BCAR3: variants seen among roughly 807,000 people sequenced by gnomAD.
BCAR3 encodes the protein breast cancer anti-estrogen resistance protein 3.
Under a neutral mutation model 80.1 loss-of-function variants are expected in BCAR3, and 37 were observed. The observed-to-expected ratio is 0.46, with a 90% confidence interval of 0.36 to 0.61. The LOEUF is 0.61. Ranked by LOEUF, BCAR3 falls within the 20% of genes least tolerant of loss-of-function variation. The probability of loss-of-function intolerance (pLI) is 0.00; values close to 1 mark genes in which losing one functional copy is unlikely to be tolerated. For synonymous variants in BCAR3, 389 were observed against 418.9 expected, an observed-to-expected ratio of 0.93 and a Z score of 0.87; for missense variants, 978 against 1,068.2, an observed-to-expected ratio of 0.92 and a Z score of 1.18.
chr1:93,768,907 C>G (rs903000957), intron 2 of BCAR3, among the ~76,000 whole-genome samples: 3 of 152,224 alleles, frequency 2.0e-5, no homozygotes, highest in African/African-American at 7.2e-5. Context: ...GGGGACTGAA[C>G]AGTCACAGAT....
chr1:93,847,868 CT>C (rs750638643), upstream of BCAR3: 285 of 198,612 alleles, frequency 1.4e-3, no homozygotes, highest in Non-Finnish European at 2.1e-3. Flanking sequence ...GCTCAGCCGA[CT>C]GGGCAGTCGA....
intron 2 of BCAR3, among the ~76,000 whole-genome samples, chr1:93,829,069 G>A (rs1366919772): frequency 6.6e-6 from 1 of 152,128 alleles, no homozygotes; most frequent in Non-Finnish European, 1.5e-5. Flanking sequence ...AAAAGAGAGA[G>A]AAAAAGCTTC....
chr1:93,781,545 T>C (rs1652762097), intron 2 of BCAR3, among the ~76,000 whole-genome samples: 1 of 152,220 alleles, frequency 6.6e-6, no homozygotes, highest in Admixed American at 6.5e-5. Context: ...CTTCATACAA[T>C]TGAGCAAGTT....
At chr1:93,767,843 GTTTAA>G (rs71094260) in intron 2 of BCAR3, among the ~76,000 whole-genome samples, 43,357 of 151,882 alleles carry the variant, frequency 0.29, 7,099 homozygotes, top group East Asian at 0.53. Flanking sequence ...GAAAATAACA[GTTTAA>G]TTTACTTTGC....
At chr1:93,796,623 G>A (rs1045285039) in intron 2 of BCAR3, among the ~76,000 whole-genome samples, 4 of 151,996 alleles carry the variant, frequency 2.6e-5, no homozygotes, top group South Asian at 2.1e-4. Flanking sequence ...CTTCTGCGTC[G>A]CTCACGCTGG....
rs143357265 is a variant in BCAR3 at position 93,624,724 on chromosome 1, A to G, written c.357+17580T>C. The stretch of plus-strand genomic sequence containing the variant: ...TAAGATGTGCAGTAAGTGTGCATGC[A>G]TATTTCTAGAGACGTGGCTCTTGTT... On this transcript the variant is annotated intron_variant, in intron 3 of 11. Coordinates refer to ENST00000260502, the MANE Select transcript of BCAR3 (RefSeq NM_003567.4). Among the ~76,000 whole-genome samples, 83 of 152,356 alleles carry G rather than the reference A, an allele frequency of 5.4e-4. 2 individuals are homozygous for G. The highest frequency in any genetic ancestry group is 2.7e-3 in the East Asian group (14 of 5,188).
At chr1:93,577,731 G>T (rs1673513349) in intron 7 of BCAR3, among the ~76,000 whole-genome samples, 1 of 152,198 alleles carries the variant, frequency 6.6e-6, no homozygotes, top group South Asian at 2.1e-4. Flanking sequence ...TTAGACAGCT[G>T]CCCTCTGTCA....
At chr1:93,638,623 C>T (rs890736996) in intron 3 of BCAR3, among the ~76,000 whole-genome samples, 1 of 151,964 alleles carries the variant, frequency 6.6e-6, no homozygotes, top group Non-Finnish European at 1.5e-5. Context: ...ATGCTAGGTA[C>T]GCAGAGGAAA....
rs1673017690 is a variant in BCAR3 at position 93,567,770 on chromosome 1, G to GCTTC, written c.2052_2055dup (p.Pro686GlufsTer9). The GCTTC allele has an allele frequency of 6.2e-7, 1 of 1,614,190 alleles. No homozygotes were observed. Among genetic ancestry groups the GCTTC allele is most frequent in the African/African-American group, 1.3e-5 (1 of 75,056 alleles). On this transcript the variant is annotated frameshift_variant, in exon 10 of 12. Transcript: ENST00000260502. LOFTEE classifies it high-confidence loss of function. ...CCTTCATGCAGGAGTTTGCTGAAGG[G>GCTTC]CTTCAGCTGTTTCTCATAGAGAATG...
chr1:93,584,856 A>T (rs373441123), intron 5 of BCAR3: 1 of 493,410 alleles, frequency 2.0e-6, no homozygotes, highest in African/African-American at 2.1e-5. Context: ...AAGCACCAGA[A>T]TCTCCCTAGC....
intron 2 of BCAR3, among the ~76,000 whole-genome samples, chr1:93,650,391 G>A (rs140541869): frequency 6.6e-6 from 1 of 152,096 alleles, no homozygotes; most frequent in Non-Finnish European, 1.5e-5. Context: ...TCTCAAAAAA[G>A]AAAACCAGAA....
At chr1:93,715,748 G>C (rs1650169470) in intron 2 of BCAR3, among the ~76,000 whole-genome samples, 1 of 152,194 alleles carries the variant, frequency 6.6e-6, no homozygotes. Flanking sequence ...ATAGACAGAT[G>C]GTGGCTCTTC....
rs201308858 is a variant in BCAR3, at chr1:93,586,513, GT to G, written c.930-2393del. Among the ~76,000 whole-genome samples the G allele has an allele frequency of 6.0e-3, 889 of 147,634 alleles. 5 individuals are homozygous for G. The highest frequency in any genetic ancestry group is 8.9e-3 in the Non-Finnish European group (594 of 66,518). Reference sequence around the variant, plus strand: ...GTAAACAGTGCTGCAACAAACATTGGTGCAGGTATCTCTTTGATATACTGAT... The same window carrying G: ...GTAAACAGTGCTGCAACAAACATTGGGCAGGTATCTCTTTGATATACTGAT... On this transcript the variant is annotated intron_variant, in intron 5 of 11. Coordinates refer to ENST00000260502, the MANE Select transcript of BCAR3 (RefSeq NM_003567.4). This position sits in a 1 kb window ranked among gnomAD's most constrained non-coding sequence, Gnocchi z 4.2.
chr1:93,812,388 T>C (rs1319232110), intron 2 of BCAR3, among the ~76,000 whole-genome samples: 1 of 152,130 alleles, frequency 6.6e-6, no homozygotes, highest in East Asian at 1.9e-4. Flanking sequence ...ATCAGGTCAA[T>C]CTTTTGAAAG....
intron 2 of BCAR3, among the ~76,000 whole-genome samples, chr1:93,773,670 CT>C (rs1202131902): frequency 6.6e-6 from 1 of 152,214 alleles, no homozygotes; most frequent in African/African-American, 2.4e-5. Context: ...CCACATGGTG[CT>C]GGGAATCAGC....
intron 2 of BCAR3, among the ~76,000 whole-genome samples, chr1:93,838,166 T>C (rs1205332160): frequency 2.6e-5 from 4 of 152,214 alleles, no homozygotes; most frequent in Non-Finnish European, 5.9e-5. Context: ...ACTGGGTAAT[T>C]CATAAAGAAA....
At chr1:93,724,927 T>C (rs536860380) in intron 2 of BCAR3, among the ~76,000 whole-genome samples, 9 of 152,198 alleles carry the variant, frequency 5.9e-5, no homozygotes, top group South Asian at 4.1e-4. Flanking sequence ...GGGGTTTCAG[T>C]ACTTGAAACT....
intron 2 of BCAR3, among the ~76,000 whole-genome samples, chr1:93,726,750 C>G (rs895586725): frequency 1.3e-5 from 2 of 152,106 alleles, no homozygotes; most frequent in Non-Finnish European, 2.9e-5. Flanking sequence ...GTCTTAGATT[C>G]TATGAAATAC....
At chr1:93,766,700 T>G (rs1028663868) in intron 2 of BCAR3, among the ~76,000 whole-genome samples, 2 of 152,260 alleles carry the variant, frequency 1.3e-5, no homozygotes, top group Admixed American at 6.5e-5. Flanking sequence ...ATCTTCACCG[T>G]ATCAGCTGTA....
Sources: gnomAD v4.1 joint callset for allele counts (sites outside exome capture counted in the v4.1 genomes callset) on GRCh38, gnomAD v4.1.1 for gene constraint, Gnocchi (gnomAD v3.1) non-coding constraint, MANE v1.5 for transcripts, NCBI Gene and HGNC (gene_info 2026-07-23, HGNC 2026-07-21) for gene names.